The following LRRN1 variants were observed in gnomAD, a reference collection of about 807,000 sequenced individuals.
LRRN1 encodes the protein leucine rich repeat neuronal 1.
LRRN1 carries 14 observed loss-of-function variants against 45.8 expected under a neutral mutation model. The observed-to-expected ratio is 0.31, with a 90% CI of 0.20 to 0.48. The LOEUF (loss-of-function observed/expected upper bound fraction) is 0.48, where lower values mean the gene tolerates loss of function less well. LRRN1 is among the 20% of genes least tolerant of loss of function. The pLI, the probability that LRRN1 is intolerant of heterozygous loss-of-function variation, is 0.99. For synonymous variants in LRRN1, 359 were observed against 330.1 expected, an observed-to-expected ratio of 1.09 and a Z score of -0.95; for missense variants, 789 against 874.2, an observed-to-expected ratio of 0.90 and a Z score of 1.23.
At chr3:3,827,542 A>T (rs1170105379) in intron 1 of LRRN1, 4 of 456,048 alleles carry the variant, frequency 8.8e-6, no homozygotes, top group Non-Finnish European at 1.8e-5. Flanking sequence ...TGGTTGAACA[A>T]AAATCCCATT....
intron 1 of LRRN1, among the ~76,000 whole-genome samples, chr3:3,812,762 A>G (rs947246527): frequency 1.4e-5 from 2 of 142,352 alleles, no homozygotes; most frequent in African/African-American, 5.4e-5. Context: ...TTTCTCCTCC[A>G]TTTCTGTGTG....
In LRRN1 at chr3:3,818,529, C is replaced by G. The variant is rs144684557; in HGVS notation, c.-279+18610C>G. Among the ~76,000 whole-genome samples the G allele has an allele frequency of 1.3e-3, 194 of 152,252 alleles. 1 individual carries two copies. Among genetic ancestry groups the G allele is most frequent in the South Asian group, 0.012 (56 of 4,830 alleles). ...AAAAGAAAAAAACAACTTTCTTGATCTTACAAGTGATTTAAACAGAAAAAA... is the reference window on the plus strand; with the variant it reads ...AAAAGAAAAAAACAACTTTCTTGATGTTACAAGTGATTTAAACAGAAAAAA... On this transcript the variant is annotated intron_variant, in intron 1 of 1. Coordinates refer to ENST00000319331, the MANE Select transcript of LRRN1 (RefSeq NM_020873.7).
At chr3:3,841,986 C>G (rs1178238303) in intron 1 of LRRN1, among the ~76,000 whole-genome samples, 1 of 152,138 alleles carries the variant, frequency 6.6e-6, no homozygotes, top group East Asian at 1.9e-4. Context: ...AGTATACTTA[C>G]ATAAACCTAG....
intron 1 of LRRN1, among the ~76,000 whole-genome samples, chr3:3,832,567 C>T (rs1693394972): frequency 6.6e-6 from 1 of 152,164 alleles, no homozygotes. Flanking sequence ...AATGTCTGAT[C>T]ATTTCCCTTT....
At chr3:3,819,928 A>G (rs778294883) in intron 1 of LRRN1, among the ~76,000 whole-genome samples, 5 of 152,224 alleles carry the variant, frequency 3.3e-5, no homozygotes, top group Non-Finnish European at 7.3e-5. Context: ...AGGAAGACAC[A>G]GAGACTAGAA....
intron 1 of LRRN1, among the ~76,000 whole-genome samples, chr3:3,828,319 A>G: frequency 6.6e-6 from 1 of 151,998 alleles, no homozygotes; most frequent in East Asian, 1.9e-4. Flanking sequence ...CAGGGCAGGA[A>G]GCATCCAGCA....
intron 1 of LRRN1, among the ~76,000 whole-genome samples, chr3:3,836,160 A>G (rs1474333340): frequency 6.6e-6 from 1 of 152,198 alleles, no homozygotes; most frequent in Non-Finnish European, 1.5e-5. Flanking sequence ...TGTATATGTT[A>G]TAAAAGTTGG....
At position 3,846,788 on chromosome 3, in the gene LRRN1, G is replaced by A. The variant is rs1056115203; in HGVS notation, c.2147G>A (p.Trp716Ter). ...QVDTSRSYYM[W>*] Reference sequence around the variant, plus strand: ...GACACATCCAGAAGCTATTACATGTGGTAACTCAGAGGATATTTTGCTTCT... The same window carrying A: ...GACACATCCAGAAGCTATTACATGTAGTAACTCAGAGGATATTTTGCTTCT... Residue 716 changes from tryptophan (W) to a stop codon, truncating the protein, a stop_gained, in exon 2 of 2, where the codon TGG (tryptophan) becomes TAG (stop). Coordinates refer to ENST00000319331, the MANE Select transcript of LRRN1 (RefSeq NM_020873.7). LOFTEE classifies it high-confidence loss of function. This position sits in a 1 kb window ranked among gnomAD's most constrained non-coding sequence, Gnocchi z 5.7. 1.9e-6 allele frequency: 3 copies of A among 1,592,538 alleles called. No individual in the cohort carries two copies. The highest frequency in any genetic ancestry group is 2.6e-6 in the Non-Finnish European group (3 of 1,172,278).
intron 1 of LRRN1, among the ~76,000 whole-genome samples, chr3:3,841,472 A>T (rs1423608509): frequency 6.6e-6 from 1 of 152,006 alleles, no homozygotes; most frequent in Non-Finnish European, 1.5e-5. Flanking sequence ...GAGTGAAATA[A>T]ATTTGTGGAG....
chr3:3,833,234 A>T (rs1264419476), intron 1 of LRRN1, among the ~76,000 whole-genome samples: 1 of 152,186 alleles, frequency 6.6e-6, no homozygotes, highest in Admixed American at 6.6e-5. Context: ...CCACCATCTC[A>T]ATCTCCCTAG....
chr3:3,804,843 C>G (rs1692722890), intron 1 of LRRN1, among the ~76,000 whole-genome samples: 1 of 152,056 alleles, frequency 6.6e-6, no homozygotes, highest in South Asian at 2.1e-4. Context: ...TTTTGTAGAA[C>G]TGGGAGTAAA....
intron 1 of LRRN1, among the ~76,000 whole-genome samples, chr3:3,833,431 A>T (rs2106465051): frequency 6.6e-6 from 1 of 152,344 alleles, no homozygotes. Context: ...CAATAAGTTC[A>T]GCCTGATCCA....
rs1191042028 is a variant in LRRN1 at position 3,836,974 on chromosome 3, CCTACACAA to C, written c.-278-7388_-278-7381del. Among the ~76,000 whole-genome samples, 9 of 152,146 alleles carry C rather than the reference CCTACACAA, an allele frequency of 5.9e-5. No individual in the cohort carries two copies. The South Asian group carries it at 6.2e-4, about 11-fold the overall frequency. On this transcript the variant is annotated intron_variant, in intron 1 of 1. Transcript: ENST00000319331. ...CCAGTGCCCCTTTTTTCTTGGCCCA[CCTACACAA>C]CCCAGCTGTACTGTCTCCTGCACCC...
intron 1 of LRRN1, among the ~76,000 whole-genome samples, chr3:3,813,979 C>T (rs1692935304): frequency 6.6e-6 from 1 of 151,974 alleles, no homozygotes; most frequent in Admixed American, 6.6e-5. Flanking sequence ...CACTCAGGCT[C>T]AACCTTGAAA....
intron 1 of LRRN1, among the ~76,000 whole-genome samples, chr3:3,802,276 C>G (rs1575275965): frequency 6.6e-6 from 1 of 152,220 alleles, no homozygotes; most frequent in African/African-American, 2.4e-5. Flanking sequence ...GAACAAAAGG[C>G]AGGCAGTGTG....
At position 3,847,004 on chromosome 3, in the gene LRRN1, T is replaced by G. The variant is rs1323814235; in HGVS notation, c.*212T>G. On this transcript the variant is annotated 3_prime_UTR_variant, in exon 2 of 2. Transcript: ENST00000319331. ...CGACTCTAGGCTTCCAGTCTGTGTT[T>G]GGTTTTTATTCTTATCATTATTATG... is the stretch of plus-strand genomic sequence containing the variant. 6 of 438,626 alleles carry G rather than the reference T, an allele frequency of 1.4e-5. No homozygotes were observed. Among genetic ancestry groups the G allele is most frequent in the Non-Finnish European group, 2.5e-5 (6 of 241,374 alleles). 27.2% of individuals were successfully genotyped at this position (438,626 alleles called of 1,614,324 possible).
At chr3:3,805,145 T>C (rs1378465498) in intron 1 of LRRN1, among the ~76,000 whole-genome samples, 2 of 152,206 alleles carry the variant, frequency 1.3e-5, no homozygotes. Flanking sequence ...GCAGCACCAA[T>C]ATTAGCACCT....
In LRRN1 at chr3:3,845,947, A is replaced by T. The variant is rs752899596; in HGVS notation, c.1306A>T (p.Asn436Tyr). Residue 436 changes from asparagine to tyrosine, a missense_variant, in exon 2 of 2, where the codon AAC becomes TAC. Asn to Tyr is a moderately radical substitution (Grantham distance 143). Coordinates refer to ENST00000319331, the MANE Select transcript of LRRN1 (RefSeq NM_020873.7). The surrounding 1 kb of genome is among the most constrained non-coding windows in gnomAD (Gnocchi z 6.5). ...ISHDSFPNRL[N>Y]VDIGTTVFLD... The stretch of plus-strand genomic sequence containing the variant: ...TCACGACAGCTTCCCAAATCGTTTA[A>T]ACGTGGATATCGGCACGACGGTTTT... 1.4e-5 allele frequency: 23 copies of T among 1,614,004 alleles called. No homozygotes were observed. The highest frequency in any genetic ancestry group is 1.9e-5 in the Non-Finnish European group (23 of 1,180,016).
At chr3:3,808,854 T>C (rs1692819623) in intron 1 of LRRN1, among the ~76,000 whole-genome samples, 1 of 152,236 alleles carries the variant, frequency 6.6e-6, no homozygotes, top group South Asian at 2.1e-4. Context: ...TAACCAATCA[T>C]TGAATTATCT....
Sources: allele counts gnomAD v4.1 joint callset (sites outside exome capture counted in the v4.1 genomes callset), GRCh38; gene constraint gnomAD v4.1.1; non-coding constraint Gnocchi (gnomAD v3.1); transcripts MANE v1.5; gene names NCBI Gene and HGNC (gene_info 2026-07-23, HGNC 2026-07-21).